SYMPK: variants seen among roughly 807,000 people sequenced by gnomAD.
SYMPK encodes the protein symplekin.
Under a neutral mutation model 136.4 loss-of-function variants are expected in SYMPK, and 49 were observed. The ratio of observed to expected loss-of-function variants is 0.36; its 90% CI spans 0.29 to 0.46. The LOEUF (loss-of-function observed/expected upper bound fraction) is 0.46. Ranked by LOEUF, SYMPK falls within the 20% of genes least tolerant of loss-of-function variation. SYMPK has a pLI of 1.00. For synonymous variants in SYMPK, 766 were observed against 713.0 expected, an observed-to-expected ratio of 1.07 and a Z score of -1.19; for missense variants, 1,365 against 1,690.0, an observed-to-expected ratio of 0.81 and a Z score of 3.37.
intron 20 of SYMPK, among the ~76,000 whole-genome samples, 193 bp from the exon 21 acceptor site, chr19:45,823,039 T>C (rs1366623605): frequency 1.3e-5 from 2 of 152,122 alleles, no homozygotes; most frequent in Non-Finnish European, 2.9e-5. Context: ...CCCCTGCATG[T>C]CACATGTGTG....
In SYMPK at chr19:45,818,055, G is replaced by A. The variant is rs1338031810; in HGVS notation, c.2985C>T (p.Pro995=). ...GGATGACGGTCCTCATGAGCAGCATGGGCAGGGGGCTCTGCTCCATCAGCT... is the reference window on the plus strand; with the variant it reads ...GGATGACGGTCCTCATGAGCAGCATAGGCAGGGGGCTCTGCTCCATCAGCT... ...MQQLMEQSPL[P]MLLMRTVIQS... The change falls in exon 23 of 27, where the codon CCC becomes CCT. Residue 995 remains proline, a synonymous_variant. Transcript: ENST00000245934. 2 of 1,567,572 alleles carry A rather than the reference G, an allele frequency of 1.3e-6. No homozygotes were observed. The highest frequency in any genetic ancestry group is 1.7e-6 in the Non-Finnish European group (2 of 1,156,196).
intron 1 of SYMPK, among the ~76,000 whole-genome samples, chr19:45,858,030 C>G (rs1971875753): frequency 6.6e-6 from 1 of 151,956 alleles, no homozygotes; most frequent in African/African-American, 2.4e-5. Flanking sequence ...AACTCCTGAC[C>G]TCAGGTGATC....
intron 1 of SYMPK, among the ~76,000 whole-genome samples, chr19:45,859,188 C>G (rs574986290): frequency 2.0e-5 from 3 of 152,198 alleles, no homozygotes; most frequent in Middle Eastern, 3.4e-3. Flanking sequence ...TGCCAAACGG[C>G]CTCCCCAATC....
chr19:45,821,306 T>G lies in SYMPK; in HGVS notation c.2893+78A>C. ...CAGTCTTTGACTTGGCAGATTCCAG[T>G]GGGGGCATGTGGGTGACTGAGGTCC... On this transcript the variant is annotated intron_variant, in intron 22 of 26. Coordinates refer to ENST00000245934, the MANE Select transcript of SYMPK (RefSeq NM_004819.3). The surrounding 1 kb of genome is among the most constrained non-coding windows in gnomAD (Gnocchi z 4.4). 2 of 1,048,446 alleles carry G rather than the reference T, an allele frequency of 1.9e-6. No individual in the cohort carries two copies. The highest frequency in any genetic ancestry group is 3.0e-6 in the Non-Finnish European group (2 of 674,006). The allele number at this position is 1,048,446 out of a possible 1,614,324, so 64.9% of individuals were successfully genotyped here.
chr19:45,815,872 A>T lies in SYMPK; in HGVS notation c.3666T>A (p.Ser1222Arg). 1 of 1,610,686 alleles carries T rather than the reference A, an allele frequency of 6.2e-7. No homozygotes were observed. Among genetic ancestry groups the T allele is most frequent in the Non-Finnish European group, 8.5e-7 (1 of 1,179,434 alleles). ...CTACCTTGGGTAGGGGGCCCTCGAG[A>T]CTAGAGTCCAACAGCGCGGCCTCGG... The part of the protein sequence containing the change: ...GLTEAALLDS[S>R]LEGPLPKETA... The change falls in exon 26 of 27, where the codon AGT becomes AGA. Residue 1222 changes from serine (S) to arginine (R), a missense_variant. Coordinates refer to ENST00000245934, the MANE Select transcript of SYMPK (RefSeq NM_004819.3).
At chr19:45,855,694 CA>C (rs149332632) in intron 1 of SYMPK, 21,770 of 147,164 alleles carry the variant, frequency 0.15, 2,105 homozygotes, top group Admixed American at 0.29. Context: ...TTCTGTTTTA[CA>C]AAAAAAAAAG....
At chr19:45,817,867 C>G (rs1330698877) in intron 23 of SYMPK, 92 bp downstream of exon 23, 2 of 1,330,748 alleles carry the variant, frequency 1.5e-6, no homozygotes, top group South Asian at 2.9e-5. Flanking sequence ...CTCCACCGGG[C>G]TCCCTCCGGG....
At chr19:45,817,710 C>T (rs1213703076) in intron 23 of SYMPK, among the ~76,000 whole-genome samples, 1 of 152,200 alleles carries the variant, frequency 6.6e-6, no homozygotes, top group Non-Finnish European at 1.5e-5. Flanking sequence ...TGAGGAGCAG[C>T]CATGCCTCTC....
chr19:45,847,972 C>A lies in SYMPK; in HGVS notation c.456G>T (p.Glu152Asp). 6.2e-7 allele frequency: 1 copy of A among 1,603,628 alleles called. No homozygotes were observed. Among genetic ancestry groups the A allele is most frequent in the Non-Finnish European group, 8.5e-7 (1 of 1,172,594 alleles). Residue 152 changes from glutamate (E) to aspartate (D), a missense_variant, in exon 7 of 27, where the codon GAG becomes GAT. This residue lies in a region of SYMPK where 237 missense variants were observed against 292.9 expected (regional missense o/e 0.81). Transcript: ENST00000245934. ...QWMVKSRVISELQEACWDMVS... is the reference protein window; with the variant it reads ...QWMVKSRVISDLQEACWDMVS... ...CCATGTCCCAGCAGGCCTCCTGTAG[C>A]TCGCTAATGACCCGTGACTTTACCA... is the stretch of plus-strand genomic sequence containing the variant.
At position 45,852,485 on chromosome 19, in the gene SYMPK, C is replaced by T. The variant is rs1304295821; in HGVS notation, c.222G>A (p.Leu74=). ...TTCTCTTCTGTCAGTCACTCACATC[C>T]AGGAAGTTGTCCAGTAGTGTGGGGT... ...NKDPTLLDNF[L]DEIIAFQADK... is the part of the protein sequence containing the mutation. Residue 74 remains leucine (L), a synonymous_variant, in exon 4 of 27, where the codon CTG becomes CTA. Transcript: ENST00000245934. The T allele has an allele frequency of 2.5e-6, 4 of 1,614,192 alleles. No homozygotes were observed. The Admixed American group carries it at 5.0e-5, about 20-fold the overall frequency.
Position 45,826,351 on chromosome 19 carries a change from A to T in SYMPK, c.2204T>A (p.Phe735Tyr). 6.2e-7 allele frequency: 1 copy of T among 1,614,164 alleles called. No individual in the cohort carries two copies. Among genetic ancestry groups the T allele is most frequent in the Non-Finnish European group, 8.5e-7 (1 of 1,180,028 alleles). The change falls in exon 17 of 27, where the codon TTC (phenylalanine) becomes TAC (tyrosine). Residue 735 changes from phenylalanine (F) to tyrosine (Y), a missense_variant. Physicochemically the swap from Phe to Tyr is conservative, Grantham distance 22 (BLOSUM62 3). Around this residue, in one of 11 missense-constraint regions of SYMPK, gnomAD observed 303 missense variants for 326.6 expected, o/e 0.93. Coordinates refer to ENST00000245934, the MANE Select transcript of SYMPK (RefSeq NM_004819.3). ...CTCCTTCTCATACATGCGTTTGATG[A>T]ACAGCAGGGCCTGGGAGCGCACCTG... ...KDKVRSQALLFIKRMYEKEQL... is the reference protein window; with the variant it reads ...KDKVRSQALLYIKRMYEKEQL...
chr19:45,829,070 C>T lies in SYMPK; in HGVS notation c.1885G>A (p.Ala629Thr), dbSNP rs752824293. Reference sequence around the variant, plus strand: ...CCCGAGGCACCTGCGGCCAGGTAGGCGTTGTACTCCTGGTAGAGCCAGGCG... The same window carrying T: ...CCCGAGGCACCTGCGGCCAGGTAGGTGTTGTACTCCTGGTAGAGCCAGGCG... ...AFAWLYQEYN[A>T]YLAAGASGSL... Residue 629 changes from alanine to threonine, a missense_variant, in exon 14 of 27, where the codon GCC (alanine) becomes ACC (threonine). Around this residue, in one of 11 missense-constraint regions of SYMPK, gnomAD observed 303 missense variants for 326.6 expected, o/e 0.93. Transcript: ENST00000245934. The T allele has an allele frequency of 8.7e-6, 14 of 1,614,146 alleles. 1 individual carries two copies. In the South Asian group the frequency reaches 1.1e-4, roughly 13 times the overall value.
rs1423336433 is a variant in SYMPK, at chr19:45,830,164, T to C, written c.1639A>G (p.Ser547Gly). ...TCGGTAAGGGGCTTCAGCACGTCGC[T>C]GAGACGGAAAATTTTCTTGCGCCCA... Reference protein sequence around the residue: ...AGGRKKIFRLSDVLKPLTDAQ... With the variant: ...AGGRKKIFRLGDVLKPLTDAQ... Residue 547 changes from serine to glycine, a missense_variant, in exon 13 of 27, where the codon AGC becomes GGC. Physicochemically the swap from Ser to Gly is moderately conservative, Grantham distance 56 (BLOSUM62 0). Coordinates refer to ENST00000245934, the MANE Select transcript of SYMPK (RefSeq NM_004819.3). 8.1e-6 allele frequency: 13 copies of C among 1,609,042 alleles called. No homozygotes were observed. Among genetic ancestry groups the C allele is most frequent in the Non-Finnish European group, 9.3e-6 (11 of 1,177,488 alleles).
chr19:45,837,449 T>C (rs1394163076), intron 10 of SYMPK, among the ~76,000 whole-genome samples: 1 of 152,036 alleles, frequency 6.6e-6, no homozygotes, highest in East Asian at 1.9e-4. Context: ...AAACCCTGTC[T>C]CTGCTAAAAA....
intron 5 of SYMPK, among the ~76,000 whole-genome samples, chr19:45,850,427 T>C (rs1378452886): frequency 1.3e-5 from 2 of 152,110 alleles, no homozygotes; most frequent in Non-Finnish European, 2.9e-5. Flanking sequence ...AAACAAATAT[T>C]TAATACACAG....
rs757489123 is a variant in SYMPK at position 45,844,097 on chromosome 19, A to T, written c.780T>A (p.Leu260=). The T allele has an allele frequency of 1.9e-6, 3 of 1,612,232 alleles. No homozygotes were observed. Among genetic ancestry groups the T allele is most frequent in the Non-Finnish European group, 2.5e-6 (3 of 1,179,250 alleles). ...SINLTTALGS[L]ANIARQRPMF... ...TGGGTCTCTGGCGGGCGATATTGGC[A>T]AGGGAGCCCAGCGCTGTGGTCAGGT... Residue 260 remains leucine, a synonymous_variant, in exon 8 of 27, where the codon CTT becomes CTA. Coordinates refer to ENST00000245934, the MANE Select transcript of SYMPK (RefSeq NM_004819.3).
intron 23 of SYMPK, among the ~76,000 whole-genome samples, chr19:45,817,405 T>G (rs1339905926): frequency 2.7e-5 from 4 of 145,504 alleles, no homozygotes; most frequent in Non-Finnish European, 6.0e-5. Context: ...CGGGGTTTGG[T>G]TTTTTTGTTC....
Position 45,815,597 on chromosome 19 carries a change from T to G in SYMPK, c.3788A>C (p.Glu1263Ala). Residue 1263 changes from glutamate to alanine, a missense_variant, in exon 27 of 27, where the codon GAG becomes GCG. By Grantham distance (107) the Glu-to-Ala change is moderately radical (BLOSUM62 -1). This residue lies in a region of SYMPK where 341 missense variants were observed against 270.5 expected (regional missense o/e 1.26). Coordinates refer to ENST00000245934, the MANE Select transcript of SYMPK (RefSeq NM_004819.3). Reference sequence around the variant, plus strand: ...CTTGGCCTCGGGTTCCCTGGCGTCCTCGGCAGCCGGGCTGGGAGTCTTCAT... The same window carrying G: ...CTTGGCCTCGGGTTCCCTGGCGTCCGCGGCAGCCGGGCTGGGAGTCTTCAT... ...DAMKTPSPAA[E>A]DAREPEAKGN... 1 of 1,475,898 alleles carries G rather than the reference T, an allele frequency of 6.8e-7. No individual in the cohort carries two copies. Among genetic ancestry groups the G allele is most frequent in the Non-Finnish European group, 9.1e-7 (1 of 1,099,650 alleles). The allele number at this position is 1,475,898 out of a possible 1,614,324, so 91.4% of individuals were successfully genotyped here. A position where few individuals can be genotyped will look rare whatever the true frequency, so the allele number is the denominator to read the frequency against.
In SYMPK at chr19:45,818,123, G is replaced by T. The variant is rs376169646; in HGVS notation, c.2917C>A (p.Arg973=). 1 of 1,551,644 alleles carries T rather than the reference G, an allele frequency of 6.4e-7. No individual in the cohort carries two copies. Among genetic ancestry groups the T allele is most frequent in the Admixed American group, 2.0e-5 (1 of 51,058 alleles). The change falls in exon 23 of 27, where the codon CGG becomes AGG. Residue 973 remains arginine (R), a synonymous_variant. Transcript: ENST00000245934. ...AGCACCTCTGACGTGTACACGTTCC[G>T]CTCCGCAAAGCACAGGTTGGTGGCT... ...IKATNLCFAE[R]NVYTSEVLAV...
Sources: gnomAD v4.1 joint callset for allele counts (sites outside exome capture counted in the v4.1 genomes callset) on GRCh38, gnomAD v4.1.1 for gene constraint, gnomAD v4.1.1 regional missense constraint, Gnocchi (gnomAD v3.1) non-coding constraint, MANE v1.5 for transcripts, NCBI Gene and HGNC (gene_info 2026-07-23, HGNC 2026-07-21) for gene names.